The following CDH3 variants were observed in gnomAD, a reference collection of about 807,000 sequenced individuals.
CDH3 encodes the protein cadherin-3.
CDH3 carries 54 observed loss-of-function variants against 82.0 expected under a neutral mutation model. That is an observed-to-expected ratio of 0.66 (90% CI 0.53 to 0.83). The LOEUF (loss-of-function observed/expected upper bound fraction) is 0.83. CDH3 is among the 40% of genes least tolerant of loss of function. The probability of loss-of-function intolerance (pLI) is 0.00; values close to 1 mark genes in which losing one functional copy is unlikely to be tolerated. For synonymous variants in CDH3, 446 were observed against 437.9 expected (o/e 1.02, Z -0.23); for missense variants, 1,054 against 1,084.6 (o/e 0.97, Z 0.40).
intron 2 of CDH3, among the ~76,000 whole-genome samples, chr16:68,653,839 GC>G (rs1567436975): frequency 6.6e-6 from 1 of 151,352 alleles, no homozygotes; most frequent in East Asian, 1.9e-4. Context: ...ACAGGCGCCC[GC>G]AACCACGCCC....
At chr16:68,684,484 C>T in intron 9 of CDH3, 99 bp from the exon 10 acceptor site, 1 of 1,380,382 alleles carries the variant, frequency 7.2e-7, no homozygotes, top group South Asian at 1.2e-5. Context: ...GGGCCTCAAG[C>T]CCCTCAGTAT....
chr16:68,716,232 A>G (rs1272826903), intron 1 of CDH3, among the ~76,000 whole-genome samples: 2 of 151,444 alleles, frequency 1.3e-5, no homozygotes, highest in East Asian at 1.9e-4. Flanking sequence ...AAAAAAAAAG[A>G]CTAAGCACTG....
intron 1 of CDH3, among the ~76,000 whole-genome samples, chr16:68,717,047 A>G (rs1036449288): frequency 6.6e-6 from 1 of 152,044 alleles, no homozygotes; most frequent in Non-Finnish European, 1.5e-5. Context: ...AAATACAATT[A>G]TATGTTTTTG....
downstream of CDH3, among the ~76,000 whole-genome samples, chr16:68,702,483 A>C (rs1961909422): frequency 6.6e-6 from 1 of 152,072 alleles, no homozygotes. Flanking sequence ...CTGGCCCTTG[A>C]AAGCACCCCT....
intron 12 of CDH3, among the ~76,000 whole-genome samples, chr16:68,690,126 G>A (rs1670597605): frequency 6.6e-6 from 1 of 152,140 alleles, no homozygotes; most frequent in Admixed American, 6.6e-5. Context: ...GGCTGGGCTG[G>A]GCCTGGCTTC....
intron 12 of CDH3, among the ~76,000 whole-genome samples, chr16:68,689,419 C>T (rs1175389681): frequency 1.3e-5 from 2 of 151,996 alleles, no homozygotes; most frequent in Admixed American, 6.5e-5. Flanking sequence ...GCCTGTAATC[C>T]CAGCTACTCA....
At chr16:68,671,044 G>A (rs1156743168) in intron 2 of CDH3, among the ~76,000 whole-genome samples, 1 of 152,070 alleles carries the variant, frequency 6.6e-6, no homozygotes, top group African/African-American at 2.4e-5. Context: ...CTGCACTCCA[G>A]CCTGAGTAAC....
intron 2 of CDH3, among the ~76,000 whole-genome samples, chr16:68,722,915 C>G (rs1320181141): frequency 1.3e-5 from 2 of 151,964 alleles, no homozygotes; most frequent in African/African-American, 4.8e-5. Flanking sequence ...TGCCTCAGCT[C>G]CCTGAGTAGC....
intron 1 of CDH3, among the ~76,000 whole-genome samples, chr16:68,719,206 G>A (rs1441566928): frequency 1.3e-5 from 2 of 149,768 alleles, no homozygotes; most frequent in Non-Finnish European, 3.0e-5. Context: ...TTGTGCCATT[G>A]CACTCCAGCC....
At chr16:68,662,309 T>G (rs1960605485) in intron 2 of CDH3, among the ~76,000 whole-genome samples, 1 of 152,058 alleles carries the variant, frequency 6.6e-6, no homozygotes, top group Admixed American at 6.6e-5. Flanking sequence ...AAGAGTTTGT[T>G]TTTTAGGACA....
At chr16:68,731,387 A>ATATATATATATAT (rs1201280803), downstream of CDH3, among the ~76,000 whole-genome samples, 1 of 9,134 alleles carries the variant, frequency 1.1e-4, no homozygotes, top group African/African-American at 5.3e-4. Context: ...AAAAAAAAAA[A>ATATATATATATAT]AAAAAAAAAT....
rs770259713 is a variant in CDH3 at position 68,645,357 on chromosome 16, G to A, written c.-23G>A. ...ACACCGGCCCGCCGTCGCGGCAGCT[G>A]CTTCACCCCTCTCTCTGCAGCCATG... On this transcript the variant is annotated 5_prime_UTR_variant, in exon 1 of 16. Coordinates refer to ENST00000264012, the MANE Select transcript of CDH3 (RefSeq NM_001793.6). 3.7e-6 allele frequency: 6 copies of A among 1,612,054 alleles called. No individual in the cohort carries two copies. Among genetic ancestry groups the A allele is most frequent in the Non-Finnish European group, 1.7e-6 (2 of 1,179,174 alleles).
At chr16:68,689,977 C>G (rs1961520759) in intron 12 of CDH3, among the ~76,000 whole-genome samples, 1 of 152,170 alleles carries the variant, frequency 6.6e-6, no homozygotes, top group Non-Finnish European at 1.5e-5. Context: ...CTAACAGCTC[C>G]CTTCTTGAGA....
chr16:68,658,919 A>G (rs535438147), intron 2 of CDH3, among the ~76,000 whole-genome samples: 2 of 152,144 alleles, frequency 1.3e-5, no homozygotes, highest in East Asian at 3.9e-4. Context: ...CCCAATGTAT[A>G]CCATTTTATA....
At chr16:68,677,548 G>A (rs1961065526) in intron 3 of CDH3, among the ~76,000 whole-genome samples, 1 of 152,160 alleles carries the variant, frequency 6.6e-6, no homozygotes, top group East Asian at 1.9e-4. Context: ...GACCAGCCTG[G>A]CCAATATGGT....
At position 68,645,691 on chromosome 16, in the gene CDH3, C is replaced by A; in HGVS notation, c.101C>A (p.Ala34Asp). 1 of 1,546,332 alleles carries A rather than the reference C, an allele frequency of 6.5e-7. No individual in the cohort carries two copies. Among genetic ancestry groups the A allele is most frequent in the Non-Finnish European group, 8.7e-7 (1 of 1,146,648 alleles). Residue 34 changes from alanine to aspartate, a missense_variant, in exon 2 of 16, where the codon GCT becomes GAT. Physicochemically the swap from Ala to Asp is moderately radical, Grantham distance 126. Coordinates refer to ENST00000264012, the MANE Select transcript of CDH3 (RefSeq NM_001793.6). ...SEPCRAVFRE[A>D]EVTLEAGGAE... ...CCGTGCCGGGCGGTCTTCAGGGAGG[C>A]TGAAGTGACCTTGGAGGCGGGAGGC... is the stretch of plus-strand genomic sequence containing the variant.
At chr16:68,668,322 C>T (rs887191079) in intron 2 of CDH3, among the ~76,000 whole-genome samples, 3 of 152,082 alleles carry the variant, frequency 2.0e-5, no homozygotes, top group Admixed American at 2.0e-4. Flanking sequence ...AACCATGCTG[C>T]AGTTAGGAAC....
Position 68,686,414 on chromosome 16 carries a change from C to T in CDH3, c.1570+1064C>T, listed in dbSNP as rs1053949194. On this transcript the variant is annotated intron_variant, in intron 11 of 15. Transcript: ENST00000264012. ...AAGCATTTAGAAAGTTTCTTCCACT[C>T]TTTGACCGAGTATTGGTTGAAAGGA... 4 of 1,367,016 alleles carry T rather than the reference C, an allele frequency of 2.9e-6. No homozygotes were observed. In the South Asian group the frequency reaches 3.5e-5, roughly 12 times the overall value. The allele number at this position is 1,367,016 out of a possible 1,614,324, so 84.7% of individuals were successfully genotyped here. A position where few individuals can be genotyped will look rare whatever the true frequency, so the allele number is the denominator to read the frequency against.
chr16:68,714,296 C>A (rs907362639), intron 1 of CDH3, among the ~76,000 whole-genome samples: 1 of 152,102 alleles, frequency 6.6e-6, no homozygotes, highest in Non-Finnish European at 1.5e-5. Flanking sequence ...TCTACCCTCA[C>A]CCCAGCACCA....
Sources: gnomAD v4.1 joint callset for allele counts (sites outside exome capture counted in the v4.1 genomes callset) on GRCh38, gnomAD v4.1.1 for gene constraint, MANE v1.5 for transcripts, NCBI Gene and HGNC (gene_info 2026-07-23, HGNC 2026-07-21) for gene names.